TRAPPC9: variants seen among roughly 807,000 people sequenced by gnomAD.
TRAPPC9 encodes the protein IKK2 binding protein.
In TRAPPC9, 83 loss-of-function variants were observed where a neutral mutation model predicts 124.0. The observed-to-expected ratio is 0.67, with a 90% CI of 0.56 to 0.80. The LOEUF is 0.80. Ranked by LOEUF, TRAPPC9 falls within the 30% of genes least tolerant of loss-of-function variation. TRAPPC9 has a pLI of 0.00. For missense variants in TRAPPC9, 1,302 were observed against 1,508.3 expected (o/e 0.86, Z 2.27); for synonymous variants, 638 against 617.5 (o/e 1.03, Z -0.49).
chr8:140,360,307 T>A, intron 8 of TRAPPC9, 114 bp from the exon 9 acceptor site: 1 of 1,334,992 alleles, frequency 7.5e-7, no homozygotes, highest in South Asian at 1.3e-5. Context: ...ACCACCAAAC[T>A]CCAAGAGCAA....
intron 17 of TRAPPC9, chr8:140,094,845 A>G (rs368213291): frequency 3.3e-5 from 5 of 152,340 alleles, no homozygotes; most frequent in African/African-American, 1.2e-4. Context: ...AACAGGACCA[A>G]TAGTCCTACC....
At chr8:139,901,697 G>C (rs975501403) in intron 20 of TRAPPC9, among the ~76,000 whole-genome samples, 7 of 152,212 alleles carry the variant, frequency 4.6e-5, no homozygotes, top group Non-Finnish European at 1.0e-4. Context: ...TGGTAAGTGG[G>C]GATAATGCGA....
At chr8:140,023,128 T>C (rs1383018430) in intron 18 of TRAPPC9, among the ~76,000 whole-genome samples, 1 of 151,700 alleles carries the variant, frequency 6.6e-6, no homozygotes, top group Admixed American at 6.6e-5. Flanking sequence ...AGGCAAGACC[T>C]AGCCGGACAC....
intron 17 of TRAPPC9, among the ~76,000 whole-genome samples, chr8:140,162,363 T>C (rs2061765579): frequency 6.6e-6 from 1 of 152,156 alleles, no homozygotes; most frequent in Non-Finnish European, 1.5e-5. Flanking sequence ...CACATGCTGC[T>C]TGCGTGGAAG....
intron 3 of TRAPPC9, among the ~76,000 whole-genome samples, chr8:140,435,667 A>G (rs1459088022): frequency 2.0e-5 from 3 of 152,246 alleles, no homozygotes; most frequent in Non-Finnish European, 4.4e-5. Flanking sequence ...AATATTTCAC[A>G]GTAATAGCAC....
At chr8:140,219,990 T>C (rs1358619708) in intron 17 of TRAPPC9, among the ~76,000 whole-genome samples, 1 of 152,204 alleles carries the variant, frequency 6.6e-6, no homozygotes, top group Non-Finnish European at 1.5e-5. Flanking sequence ...AATCAGACAC[T>C]GGCTGCCCAC....
chr8:140,242,791 T>C (rs1587998327), intron 16 of TRAPPC9, among the ~76,000 whole-genome samples: 1 of 152,138 alleles, frequency 6.6e-6, no homozygotes, highest in Non-Finnish European at 1.5e-5. Context: ...GAACAGTCAG[T>C]GTGGCACGGC....
At position 139,973,558 on chromosome 8, in the gene TRAPPC9, AAG is replaced by A. The variant is rs1449578825; in HGVS notation, c.2810+15166_2810+15167del. Reference sequence around the variant, plus strand: ...AGTTGAAATGTTCCACTGCTAAGAGAAGAGGGAATAGTAACGGAAATAAAAAT... The same window carrying A: ...AGTTGAAATGTTCCACTGCTAAGAGAAGGGAATAGTAACGGAAATAAAAAT... On this transcript the variant is annotated intron_variant, in intron 19 of 22. Transcript: ENST00000438773. 1.2e-4 allele frequency among the ~76,000 whole-genome samples: 19 copies of A among 152,360 alleles called. No homozygotes were observed. The East Asian group carries it at 3.7e-3, about 29-fold the overall frequency.
intron 5 of TRAPPC9, among the ~76,000 whole-genome samples, chr8:140,419,428 CAAAAAAAAAA>C (rs61155157): frequency 1.6e-4 from 13 of 79,592 alleles, no homozygotes; most frequent in African/African-American, 2.1e-4. Context: ...GACTCCGTCT[CAAAAAAAAAA>C]AAAAAAAAAA....
intron 17 of TRAPPC9, among the ~76,000 whole-genome samples, chr8:140,047,312 A>C (rs1841665910): frequency 6.6e-6 from 1 of 152,246 alleles, no homozygotes; most frequent in African/African-American, 2.4e-5. Context: ...ATCCACCTGC[A>C]GTGCACGGGG....
At chr8:139,768,585 T>C (rs890262904) in intron 21 of TRAPPC9, among the ~76,000 whole-genome samples, 1 of 152,268 alleles carries the variant, frequency 6.6e-6, no homozygotes, top group Non-Finnish European at 1.5e-5. Flanking sequence ...TTTCTGGTAA[T>C]AGTCCATTTC....
intron 17 of TRAPPC9, among the ~76,000 whole-genome samples, chr8:140,206,849 G>A (rs1263981369): frequency 2.0e-5 from 3 of 151,910 alleles, no homozygotes; most frequent in Non-Finnish European, 4.4e-5. Context: ...CACTCCCTGC[G>A]CCTTTTTGCC....
At chr8:139,737,469 C>G (rs1429608561) in intron 21 of TRAPPC9, among the ~76,000 whole-genome samples, 2 of 111,282 alleles carry the variant, frequency 1.8e-5, no homozygotes, top group Non-Finnish European at 4.1e-5. Flanking sequence ...TCAGCCCTCC[C>G]CCCCCCCCCA....
chr8:139,833,864 C>T (rs939035045), intron 21 of TRAPPC9, among the ~76,000 whole-genome samples: 2 of 152,164 alleles, frequency 1.3e-5, no homozygotes, highest in Admixed American at 1.3e-4. Context: ...GGCAGGGCCA[C>T]CCTGGTGTTA....
At chr8:139,833,852 G>A (rs983109752) in intron 21 of TRAPPC9, among the ~76,000 whole-genome samples, 5 of 152,216 alleles carry the variant, frequency 3.3e-5, no homozygotes, top group African/African-American at 4.8e-5. Flanking sequence ...TGGGGGAGGG[G>A]AGGCAGGGCC....
intron 18 of TRAPPC9, among the ~76,000 whole-genome samples, chr8:139,989,764 T>C (rs751294597): frequency 6.6e-6 from 1 of 152,040 alleles, no homozygotes; most frequent in Non-Finnish European, 1.5e-5. Context: ...CCGTGTGAGC[T>C]CCATGTACAA....
At chr8:139,937,837 A>G (rs1833634335) in intron 19 of TRAPPC9, among the ~76,000 whole-genome samples, 1 of 152,184 alleles carries the variant, frequency 6.6e-6, no homozygotes. Context: ...AGCGCTTGAC[A>G]AAGCCATCGC....
At chr8:139,815,670 G>A (rs745827895) in intron 21 of TRAPPC9, among the ~76,000 whole-genome samples, 11 of 152,190 alleles carry the variant, frequency 7.2e-5, no homozygotes, top group African/African-American at 1.9e-4. Flanking sequence ...GATTACAGGC[G>A]TGAGCCACAG....
intron 17 of TRAPPC9, among the ~76,000 whole-genome samples, chr8:140,071,444 T>C (rs1228040590): frequency 6.6e-6 from 1 of 152,212 alleles, no homozygotes; most frequent in Non-Finnish European, 1.5e-5. Flanking sequence ...GCACTTTCCC[T>C]GGAAGAGTGA....
Sources: gnomAD v4.1 joint callset for allele counts (sites outside exome capture counted in the v4.1 genomes callset) on GRCh38, gnomAD v4.1.1 for gene constraint, MANE v1.5 for transcripts, NCBI Gene and HGNC (gene_info 2026-07-23, HGNC 2026-07-21) for gene names.